Variants in RAPGEF2 observed in about 807,000 individuals in gnomAD.
RAPGEF2 encodes Rap guanine nucleotide exchange factor 2.
A neutral mutation model predicts 186.7 loss-of-function variants in RAPGEF2; 54 were observed. The ratio of observed to expected loss-of-function variants is 0.29; its 90% CI spans 0.23 to 0.36. RAPGEF2 has a LOEUF of 0.36. Ranked by LOEUF, RAPGEF2 falls within the 10% of genes least tolerant of loss-of-function variation. The probability of loss-of-function intolerance (pLI) is 1.00; values close to 1 mark genes in which losing one functional copy is unlikely to be tolerated. For synonymous variants in RAPGEF2, 712 were observed against 705.9 expected (o/e 1.01, Z -0.14); for missense variants, 1,532 against 2,045.0 (o/e 0.75, Z 4.84).
At chr4:159,303,349 T>C (rs1197184862) in intron 7 of RAPGEF2, among the ~76,000 whole-genome samples, 2 of 152,192 alleles carry the variant, frequency 1.3e-5, no homozygotes, top group African/African-American at 4.8e-5. Context: ...AGTCCTTATA[T>C]TTATAACTAT....
intron 2 of RAPGEF2, among the ~76,000 whole-genome samples, chr4:159,190,441 G>T (rs1298909367): frequency 6.6e-6 from 1 of 152,218 alleles, no homozygotes; most frequent in African/African-American, 2.4e-5. Context: ...AATTTGGTCA[G>T]TTCTGGAGGA....
At chr4:159,154,100 C>G (rs1396097283) in intron 1 of RAPGEF2, among the ~76,000 whole-genome samples, 1 of 152,116 alleles carries the variant, frequency 6.6e-6, no homozygotes, top group Non-Finnish European at 1.5e-5. Context: ...TAGATGCTTT[C>G]TAAGGTCTTT....
At position 159,353,406 on chromosome 4, in the gene RAPGEF2, A is replaced by G; in HGVS notation, c.4092-81A>G. 8.8e-7 allele frequency: 1 copy of G among 1,138,548 alleles called. No individual in the cohort carries two copies. The highest frequency in any genetic ancestry group is 1.2e-6 in the Non-Finnish European group (1 of 843,358). The allele number at this position is 1,138,548 out of a possible 1,614,324, so 70.5% of individuals were successfully genotyped here. A position where few individuals can be genotyped will look rare whatever the true frequency, so the allele number is the denominator to read the frequency against. ...GAAAGCAAGCTACCTTTCTAGGAAA[A>G]AGGGTATTTTGGTTTTATCATAGGT... On this transcript the variant is annotated intron_variant, in intron 27 of 29. Coordinates refer to ENST00000691494, the MANE Select transcript of RAPGEF2 (RefSeq NM_001394067.2). The surrounding 1 kb of genome is among the most constrained non-coding windows in gnomAD (Gnocchi z 4.3).
At chr4:159,166,690 C>T (rs188957973) in intron 1 of RAPGEF2, among the ~76,000 whole-genome samples, 1 of 151,970 alleles carries the variant, frequency 6.6e-6, no homozygotes, top group Admixed American at 6.5e-5. Context: ...TGAGTAGTGT[C>T]TATATTGTCT....
intron 5 of RAPGEF2, among the ~76,000 whole-genome samples, chr4:159,240,218 G>A (rs1241380161): frequency 6.6e-6 from 1 of 151,880 alleles, no homozygotes; most frequent in Non-Finnish European, 1.5e-5. Context: ...CAAACTACTA[G>A]GTTTGCTGGT....
chr4:159,133,195 A>T (rs1265758891), intron 1 of RAPGEF2, among the ~76,000 whole-genome samples: 1 of 152,162 alleles, frequency 6.6e-6, no homozygotes, highest in East Asian at 1.9e-4. Context: ...GTGATTAACC[A>T]TTACAGAATA....
In RAPGEF2 at chr4:159,352,819, C is replaced by G; in HGVS notation, c.4000C>G (p.Gln1334Glu). The change falls in exon 27 of 30, where the codon CAG becomes GAG. Residue 1334 changes from glutamine to glutamate, a missense_variant. By Grantham distance (29) the Gln-to-Glu change is conservative. Coordinates refer to ENST00000691494, the MANE Select transcript of RAPGEF2 (RefSeq NM_001394067.2). ...AGTCTCACTGCACGATGAGAGGCGC[C>G]AGAGGCATTCTGTCAGCATCGTGGA... ...VPVSLHDERRQRHSVSIVETN... is the reference protein window; with the variant it reads ...VPVSLHDERRERHSVSIVETN... 1 of 1,614,202 alleles carries G rather than the reference C, an allele frequency of 6.2e-7. No individual in the cohort carries two copies. The highest frequency in any genetic ancestry group is 8.5e-7 in the Non-Finnish European group (1 of 1,180,034).
At chr4:159,333,863 A>T (rs1767026914) in intron 17 of RAPGEF2, among the ~76,000 whole-genome samples, 1 of 152,248 alleles carries the variant, frequency 6.6e-6, no homozygotes, top group Non-Finnish European at 1.5e-5. Context: ...GATATGCAGG[A>T]CTATATCAAA....
chr4:159,339,758 T>C (rs995223525), intron 19 of RAPGEF2, among the ~76,000 whole-genome samples: 1 of 152,210 alleles, frequency 6.6e-6, no homozygotes, highest in Non-Finnish European at 1.5e-5. Context: ...TCTAATCATA[T>C]TCTAGTGTCA....
intron 7 of RAPGEF2, among the ~76,000 whole-genome samples, chr4:159,297,658 G>A (rs1182388433): frequency 7.4e-6 from 1 of 135,574 alleles, no homozygotes; most frequent in African/African-American, 3.3e-5. Flanking sequence ...TATAGTAAGT[G>A]AACTACCATA....
chr4:159,322,771 C>T (rs554578989), intron 10 of RAPGEF2, among the ~76,000 whole-genome samples: 3 of 152,252 alleles, frequency 2.0e-5, no homozygotes, highest in Admixed American at 2.0e-4. Flanking sequence ...GCACTTCTTA[C>T]ATGGCAGTGG....
chr4:159,113,562 G>A (rs1442253941), intron 1 of RAPGEF2, among the ~76,000 whole-genome samples: 8 of 151,952 alleles, frequency 5.3e-5, no homozygotes, highest in Admixed American at 4.6e-4. Flanking sequence ...CCAACATGGC[G>A]AAACCCCTTC....
Position 159,143,530 on chromosome 4 carries a change from A to T in RAPGEF2, c.69+39299A>T, listed in dbSNP as rs115423933. Among the ~76,000 whole-genome samples the T allele has an allele frequency of 3.4e-3, 519 of 152,360 alleles. 3 individuals carry two copies. The highest frequency in any genetic ancestry group is 0.012 in the African/African-American group (482 of 41,582). On this transcript the variant is annotated intron_variant, in intron 1 of 29. Transcript: ENST00000691494. ...ATTCCACCGGGCCCATAACTGGTCA[A>T]TTAATAAAAGGAGGATTTGTAATAC...
chr4:159,135,877 G>A (rs900706781), intron 1 of RAPGEF2, among the ~76,000 whole-genome samples: 44 of 152,224 alleles, frequency 2.9e-4, no homozygotes, highest in African/African-American at 1.0e-3. Context: ...GGGATTACAG[G>A]CGTGAGCCAC....
chr4:159,226,432 C>A (rs530643747), intron 4 of RAPGEF2, among the ~76,000 whole-genome samples: 162 of 152,222 alleles, frequency 1.1e-3, no homozygotes, highest in African/African-American at 3.8e-3. Context: ...TAGCATAAAT[C>A]CCTACTTTGT....
At chr4:159,349,215 TATC>T (rs1730828800) in intron 25 of RAPGEF2, among the ~76,000 whole-genome samples, 1 of 152,128 alleles carries the variant, frequency 6.6e-6, no homozygotes, top group African/African-American at 2.4e-5. Context: ...ATTAAAACAA[TATC>T]AGACTGCTTA....
intron 3 of RAPGEF2, among the ~76,000 whole-genome samples, chr4:159,194,415 C>T (rs1428555360): frequency 6.6e-6 from 1 of 152,136 alleles, no homozygotes; most frequent in Non-Finnish European, 1.5e-5. Context: ...AAATTTCAGA[C>T]ACAATATTTG....
At chr4:159,159,262 T>C (rs970149437) in intron 1 of RAPGEF2, among the ~76,000 whole-genome samples, 1 of 152,224 alleles carries the variant, frequency 6.6e-6, no homozygotes, top group African/African-American at 2.4e-5. Context: ...AAACAACAAG[T>C]TGTACCCTCA....
intron 7 of RAPGEF2, among the ~76,000 whole-genome samples, chr4:159,271,347 T>G (rs1758109088): frequency 6.6e-6 from 1 of 152,220 alleles, no homozygotes; most frequent in African/African-American, 2.4e-5. Context: ...TGTGCTATAC[T>G]TAAATCACAG....
Sources: allele counts gnomAD v4.1 joint callset (sites outside exome capture counted in the v4.1 genomes callset), GRCh38; gene constraint gnomAD v4.1.1; non-coding constraint Gnocchi (gnomAD v3.1); transcripts MANE v1.5; gene names NCBI Gene and HGNC (gene_info 2026-07-23, HGNC 2026-07-21).